The following RUFY2 variants were observed in gnomAD, a reference collection of about 807,000 sequenced individuals.
RUFY2 encodes RUN and FYVE domain containing 2.
A neutral mutation model predicts 94.4 loss-of-function variants in RUFY2; 49 were observed. That is an observed-to-expected ratio of 0.52 (90% CI 0.41 to 0.66). The LOEUF (loss-of-function observed/expected upper bound fraction) is 0.66, where lower values mean the gene tolerates loss of function less well. Ranked by LOEUF, RUFY2 falls within the 30% of genes least tolerant of loss-of-function variation. The pLI is 0.00. For missense variants in RUFY2, 541 were observed against 692.8 expected, an observed-to-expected ratio of 0.78 and a Z score of 2.46; for synonymous variants, 255 against 235.7, an observed-to-expected ratio of 1.08 and a Z score of -0.75.
At chr10:68,371,295 GC>G (rs572454038) in intron 13 of RUFY2, among the ~76,000 whole-genome samples, 87 of 151,778 alleles carry the variant, frequency 5.7e-4, no homozygotes, top group Non-Finnish European at 1.1e-3. Flanking sequence ...GGTGGTAGGT[GC>G]CTATAATCCC....
chr10:68,386,179 G>T, intron 7 of RUFY2, 51 bp from the exon 8 acceptor site: 1 of 1,463,124 alleles, frequency 6.8e-7, no homozygotes, highest in South Asian at 1.2e-5. Flanking sequence ...AACTCAAAAA[G>T]GCACGAAAAA....
intron 16 of RUFY2, among the ~76,000 whole-genome samples, chr10:68,348,373 C>G (rs1312403435): frequency 2.0e-5 from 3 of 151,676 alleles, no homozygotes; most frequent in South Asian, 2.1e-4. Context: ...AGAAATTAGC[C>G]AAGCATGGTG....
At chr10:68,404,996 C>A (rs1464844226) in intron 1 of RUFY2, 152 bp from the exon 2 acceptor site, 2 of 632,918 alleles carry the variant, frequency 3.2e-6, no homozygotes, top group Non-Finnish European at 5.1e-6. Flanking sequence ...TGATTAACTT[C>A]TCTTTACATC....
intron 13 of RUFY2, among the ~76,000 whole-genome samples, chr10:68,376,138 G>A (rs955330292): frequency 6.7e-5 from 10 of 148,372 alleles, no homozygotes; most frequent in Non-Finnish European, 1.3e-4. Context: ...AAAAAAAAAT[G>A]TTCTCGGCTG....
At position 68,376,473 on chromosome 10, in the gene RUFY2, T is replaced by C. The variant is rs1589883431; in HGVS notation, c.1325+380A>G. ...ATATATATATATATATATATATATA[T>C]ATATATATATATATATATTCTCAGA... On this transcript the variant is annotated intron_variant, in intron 13 of 17. Transcript: ENST00000602465. 1.9e-4 allele frequency among the ~76,000 whole-genome samples: 8 copies of C among 41,462 alleles called. 1 individual carries two copies. In the South Asian group the frequency reaches 5.4e-3, roughly 28 times the overall value. The allele number at this position is 41,462 out of a possible 152,430, so 27.2% of individuals were successfully genotyped here.
At chr10:68,378,766 G>C in intron 12 of RUFY2, 1 of 777,596 alleles carries the variant, frequency 1.3e-6, no homozygotes, top group East Asian at 2.7e-5. Context: ...AAAGAAAAAA[G>C]AAGAAAGAGG....
intron 15 of RUFY2, among the ~76,000 whole-genome samples, chr10:68,360,745 C>T (rs531457496): frequency 1.2e-4 from 18 of 151,554 alleles, no homozygotes; most frequent in African/African-American, 4.4e-4. Flanking sequence ...GAGACTCCAT[C>T]TCAAAAAACG....
rs760582785 is a variant in RUFY2, at chr10:68,384,217, T to C, written c.721-65A>G. On this transcript the variant is annotated intron_variant, in intron 8 of 17. Coordinates refer to ENST00000602465, the MANE Select transcript of RUFY2 (RefSeq NM_001330103.2). ...ACCCTTATACTTGCTTTGCAGGTTA[T>C]GTGCATGGCCATAAACATCAGAAAA... The C allele has an allele frequency of 8.6e-6, 13 of 1,504,720 alleles. 1 individual carries two copies. The highest frequency in any genetic ancestry group is 4.9e-5 in the Admixed American group (2 of 40,538). 93.2% of individuals were successfully genotyped at this position (1,504,720 alleles called of 1,614,324 possible). A position where few individuals can be genotyped will look rare whatever the true frequency, so the allele number is the denominator to read the frequency against.
chr10:68,372,986 G>T (rs537102798), intron 13 of RUFY2, among the ~76,000 whole-genome samples: 24 of 151,766 alleles, frequency 1.6e-4, no homozygotes, highest in Non-Finnish European at 3.1e-4. Context: ...AAATAATAAT[G>T]AAGTTTTCTA....
In RUFY2 at chr10:68,407,229, G is replaced by T; in HGVS notation, c.-40C>A. The T allele has an allele frequency of 7.3e-7, 1 of 1,373,074 alleles. No homozygotes were observed. Among genetic ancestry groups the T allele is most frequent in the South Asian group, 1.7e-5 (1 of 59,656 alleles). 85.1% of individuals were successfully genotyped at this position (1,373,074 alleles called of 1,614,324 possible). On this transcript the variant is annotated 5_prime_UTR_variant, in exon 1 of 18. Transcript: ENST00000602465. ...CGCGGTCTCGGGCGGAGGCTCCCTC[G>T]GCCTGTCCAGCAGCTCCTTCCAGGC...
Position 68,345,349 on chromosome 10 carries a change from ATATT to A in RUFY2, c.*415_*418del. 2.8e-6 allele frequency: 1 copy of A among 351,256 alleles called. No individual in the cohort carries two copies. The highest frequency in any genetic ancestry group is 5.1e-6 in the Non-Finnish European group (1 of 197,688). 21.8% of individuals were successfully genotyped at this position (351,256 alleles called of 1,614,324 possible). A position where few individuals can be genotyped will look rare whatever the true frequency, so the allele number is the denominator to read the frequency against. On this transcript the variant is annotated 3_prime_UTR_variant, in exon 18 of 18. Coordinates refer to ENST00000602465, the MANE Select transcript of RUFY2 (RefSeq NM_001330103.2). Reference sequence around the variant, plus strand: ...GATAATGAAAATCTGTTGAATTAGAATATTAATAATTTTAAAAGTTTTATGCGTT... The same window carrying A: ...GATAATGAAAATCTGTTGAATTAGAAAATAATTTTAAAAGTTTTATGCGTT...
At chr10:68,357,336 C>A (rs936857672) in intron 15 of RUFY2, among the ~76,000 whole-genome samples, 1 of 151,292 alleles carries the variant, frequency 6.6e-6, no homozygotes, top group Non-Finnish European at 1.5e-5. Context: ...TCAAGCGATT[C>A]TCCTGCCTCA....
At chr10:68,394,009 C>G (rs1179321198) in intron 6 of RUFY2, 66 bp downstream of exon 6, 1 of 1,459,068 alleles carries the variant, frequency 6.9e-7, no homozygotes, top group East Asian at 2.7e-5. Context: ...ATAGATGGAT[C>G]TTATAATGAT....
chr10:68,369,224 C>T (rs2048074994), intron 13 of RUFY2, among the ~76,000 whole-genome samples: 1 of 152,212 alleles, frequency 6.6e-6, no homozygotes, highest in African/African-American at 2.4e-5. Context: ...GTGGCTCATG[C>T]CTGTAATCCC....
intron 13 of RUFY2, among the ~76,000 whole-genome samples, chr10:68,375,071 A>G (rs1256957243): frequency 2.0e-5 from 3 of 152,138 alleles, no homozygotes; most frequent in African/African-American, 7.2e-5. Flanking sequence ...CTGGTTGGTG[A>G]CATATAGATC....
chr10:68,403,926 G>A (rs1466005650), intron 2 of RUFY2, among the ~76,000 whole-genome samples: 1 of 151,728 alleles, frequency 6.6e-6, no homozygotes, highest in Non-Finnish European at 1.5e-5. Flanking sequence ...TCGAACAGCT[G>A]GGACCACAGG....
At chr10:68,362,975 G>A (rs922420408) in intron 15 of RUFY2, among the ~76,000 whole-genome samples, 40 of 152,044 alleles carry the variant, frequency 2.6e-4, no homozygotes, top group African/African-American at 9.7e-4. Flanking sequence ...CAGCTCCCCG[G>A]ATATTTTGAA....
intron 8 of RUFY2, among the ~76,000 whole-genome samples, chr10:68,385,651 T>G (rs899722116): frequency 3.3e-5 from 5 of 152,166 alleles, no homozygotes; most frequent in Admixed American, 6.6e-5. Context: ...ATGTGCAGAA[T>G]GTACAGGTTT....
chr10:68,377,291 A>G (rs941448563), intron 12 of RUFY2: 4 of 1,152,476 alleles, frequency 3.5e-6, no homozygotes, highest in African/African-American at 3.3e-5. Flanking sequence ...CAAATTTCAA[A>G]GCATAATAGG....
Sources: allele counts gnomAD v4.1 joint callset (sites outside exome capture counted in the v4.1 genomes callset), GRCh38; gene constraint gnomAD v4.1.1; transcripts MANE v1.5; gene names NCBI Gene and HGNC (gene_info 2026-07-23, HGNC 2026-07-21).